The following CRPPA variants were observed in gnomAD, a reference collection of about 807,000 sequenced individuals.
CRPPA encodes the protein CDP-L-ribitol pyrophosphorylase A, also known as D-ribitol-5-phosphate cytidylyltransferase.
Under a neutral mutation model 52.0 loss-of-function variants are expected in CRPPA, and 43 were observed. The observed-to-expected ratio is 0.83, with a 90% CI of 0.65 to 1.07. The LOEUF (loss-of-function observed/expected upper bound fraction) is 1.07. Ranked by LOEUF, CRPPA falls within the 50% of genes least tolerant of loss-of-function variation. CRPPA has a pLI of 0.00. For missense variants in CRPPA, 629 were observed against 551.7 expected (o/e 1.14, Z -1.40); for synonymous variants, 250 against 203.5 (o/e 1.23, Z -1.94).
At chr7:16,091,889 C>A (rs1056701515) in intron 9 of CRPPA, 90 bp from the exon 10 acceptor site, 3 of 701,082 alleles carry the variant, frequency 4.3e-6, no homozygotes, top group Non-Finnish European at 6.6e-6. Flanking sequence ...AGATCTGCTG[C>A]GGTCTGGATT....
At chr7:16,245,006 T>A (rs1783230402) in intron 8 of CRPPA, among the ~76,000 whole-genome samples, 1 of 152,086 alleles carries the variant, frequency 6.6e-6, no homozygotes, top group Admixed American at 6.6e-5. Context: ...TTTTGACCAT[T>A]CTTTTCAAAT....
intron 5 of CRPPA, among the ~76,000 whole-genome samples, chr7:16,295,447 T>C (rs1458837839): frequency 1.3e-5 from 2 of 152,070 alleles, no homozygotes; most frequent in East Asian, 3.8e-4. Context: ...CAACCATATA[T>C]GAAAACAGGC....
intron 1 of CRPPA, among the ~76,000 whole-genome samples, chr7:16,407,995 C>G (rs1484754508): frequency 6.6e-6 from 1 of 151,710 alleles, no homozygotes; most frequent in Non-Finnish European, 1.5e-5. Flanking sequence ...GTAATCCCAG[C>G]TACTCGAGAG....
chr7:16,302,034 C>A (rs533555009), intron 4 of CRPPA, among the ~76,000 whole-genome samples: 1 of 152,206 alleles, frequency 6.6e-6, no homozygotes, highest in African/African-American at 2.4e-5. Flanking sequence ...ATGATCTTTC[C>A]TTAAAAATAT....
In CRPPA at chr7:16,089,461, G is replaced by GTA. The variant is rs1220535877; in HGVS notation, c.*2232_*2233dup. On this transcript the variant is annotated 3_prime_UTR_variant, in exon 10 of 10. Transcript: ENST00000407010. ...TATATGTACGTGCATACATATATGT[G>GTA]TATATATGTACGTACATATATACGG... The GTA allele has an allele frequency of 3.1e-6, 1 of 323,862 alleles. No homozygotes were observed. The highest frequency in any genetic ancestry group is 2.2e-5 in the African/African-American group (1 of 45,584). The allele number at this position is 323,862 out of a possible 1,614,324, so 20.1% of individuals were successfully genotyped here. A position where few individuals can be genotyped will look rare whatever the true frequency, so the allele number is the denominator to read the frequency against.
rs1031396003 is a variant in CRPPA at position 16,396,964 on chromosome 7, G to A, written c.534+9097C>T. On this transcript the variant is annotated intron_variant, in intron 2 of 9. Coordinates refer to ENST00000407010, the MANE Select transcript of CRPPA (RefSeq NM_001101426.4). ...AACTGTGACATGTGATGGAAGACAC[G>A]TGTGACACTGGTGACATGTGTGACA... 5.9e-5 allele frequency among the ~76,000 whole-genome samples: 9 copies of A among 152,228 alleles called. No individual in the cohort carries two copies. In the East Asian group the frequency reaches 1.5e-3, roughly 26 times the overall value.
chr7:16,378,435 T>C (rs1349364239), intron 2 of CRPPA, among the ~76,000 whole-genome samples: 2 of 151,834 alleles, frequency 1.3e-5, no homozygotes, highest in Admixed American at 6.6e-5. Context: ...ACAAAGGACA[T>C]GAACTCATCA....
At chr7:16,220,718 C>T (rs1046171573) in intron 8 of CRPPA, among the ~76,000 whole-genome samples, 16 of 148,652 alleles carry the variant, frequency 1.1e-4, no homozygotes, top group South Asian at 2.2e-4. Context: ...AATAAAATAC[C>T]TAGGAATCCA....
At chr7:16,164,621 T>C (rs1322917203) in intron 9 of CRPPA, among the ~76,000 whole-genome samples, 2 of 145,736 alleles carry the variant, frequency 1.4e-5, no homozygotes, top group East Asian at 3.9e-4. Flanking sequence ...CTTTTTGCAC[T>C]GGTTTTTCCT....
At chr7:16,396,410 A>C (rs1019424867) in intron 2 of CRPPA, among the ~76,000 whole-genome samples, 1 of 152,212 alleles carries the variant, frequency 6.6e-6, no homozygotes, top group Admixed American at 6.5e-5. Context: ...CAAAACCTAA[A>C]AAAAACAGTA....
intron 9 of CRPPA, among the ~76,000 whole-genome samples, chr7:16,159,200 T>C (rs1373824751): frequency 1.3e-5 from 2 of 152,138 alleles, no homozygotes; most frequent in Non-Finnish European, 1.5e-5. Context: ...GCAGATCACC[T>C]AAGGTCAGGA....
chr7:16,105,447 T>A (rs1286632267), intron 9 of CRPPA, among the ~76,000 whole-genome samples: 2 of 152,186 alleles, frequency 1.3e-5, no homozygotes, highest in Non-Finnish European at 2.9e-5. Flanking sequence ...GTCATACCCA[T>A]CCCTACCATT....
At chr7:16,224,200 T>C (rs1379120083) in intron 8 of CRPPA, among the ~76,000 whole-genome samples, 2 of 152,164 alleles carry the variant, frequency 1.3e-5, no homozygotes, top group East Asian at 1.9e-4. Context: ...CACTCAGCTC[T>C]ACGCAAGCTT....
chr7:16,124,072 G>A (rs1782527979), intron 9 of CRPPA, among the ~76,000 whole-genome samples: 2 of 147,908 alleles, frequency 1.4e-5, no homozygotes, highest in Admixed American at 6.7e-5. Context: ...ATAACCAGTA[G>A]TTGGATTGCT....
chr7:16,111,232 C>T (rs1044245037), intron 9 of CRPPA, among the ~76,000 whole-genome samples: 1 of 152,156 alleles, frequency 6.6e-6, no homozygotes, highest in East Asian at 1.9e-4. Flanking sequence ...AATAAGATAT[C>T]ATCTCACACC....
At chr7:16,419,531 T>A (rs1272534556) in intron 1 of CRPPA, among the ~76,000 whole-genome samples, 2 of 152,078 alleles carry the variant, frequency 1.3e-5, no homozygotes, top group East Asian at 3.9e-4. Context: ...AGTTTAGGGG[T>A]CATGCATCCT....
intron 8 of CRPPA, among the ~76,000 whole-genome samples, chr7:16,219,069 G>C (rs1192238208): frequency 6.6e-6 from 1 of 152,112 alleles, no homozygotes; most frequent in Non-Finnish European, 1.5e-5. Flanking sequence ...AAATGTAAAA[G>C]AACAGAAATT....
chr7:16,129,369 G>A (rs1048079838), intron 9 of CRPPA, among the ~76,000 whole-genome samples: 2 of 151,880 alleles, frequency 1.3e-5, no homozygotes, highest in Non-Finnish European at 2.9e-5. Context: ...GCACATCTGT[G>A]TCCCAATTTT....
chr7:16,232,939 C>T lies in CRPPA; in HGVS notation c.1120-16742G>A, dbSNP rs553785499. ...AAGAACATTAAAACAGTTATTAAAA[C>T]TATGTTCCATTTGTTCAAAAACTAT... On this transcript the variant is annotated intron_variant, in intron 8 of 9. Coordinates refer to ENST00000407010, the MANE Select transcript of CRPPA (RefSeq NM_001101426.4). Among the ~76,000 whole-genome samples, 5 of 152,190 alleles carry T rather than the reference C, an allele frequency of 3.3e-5. No individual in the cohort carries two copies. In the South Asian group the frequency reaches 1.0e-3, roughly 32 times the overall value.
Sources: gnomAD v4.1 joint callset for allele counts (sites outside exome capture counted in the v4.1 genomes callset) on GRCh38, gnomAD v4.1.1 for gene constraint, MANE v1.5 for transcripts, NCBI Gene and HGNC (gene_info 2026-07-23, HGNC 2026-07-21) for gene names.